ERC2: variants seen among roughly 807,000 people sequenced by gnomAD.
ERC2 encodes ELKS/RAB6-interacting/CAST family member 2.
Under a neutral mutation model 114.8 loss-of-function variants are expected in ERC2, and 42 were observed. The ratio of observed to expected loss-of-function variants is 0.37; its 90% CI spans 0.29 to 0.47. The LOEUF is 0.47. Among genes scored for constraint, ERC2 ranks in the 20% least tolerant of loss-of-function variants. ERC2 has a pLI of 0.99. For missense variants in ERC2, 939 were observed against 1,150.7 expected, an observed-to-expected ratio of 0.82 and a Z score of 2.66; for synonymous variants, 454 against 425.5, an observed-to-expected ratio of 1.07 and a Z score of -0.82.
In ERC2 at chr3:55,787,122, A is replaced by C. The variant is rs1407151900; in HGVS notation, c.2565-52204T>G. The stretch of plus-strand genomic sequence containing the variant: ...ACTCATCTGTAAGAAAAGAATAAAA[A>C]TAGTATGTGTCGGCTGGGGGGCGAT... On this transcript the variant is annotated intron_variant, in intron 14 of 17. Coordinates refer to ENST00000288221, the MANE Select transcript of ERC2 (RefSeq NM_015576.3). Among the ~76,000 whole-genome samples, 5 of 152,168 alleles carry C rather than the reference A, an allele frequency of 3.3e-5. No homozygotes were observed. In the East Asian group the frequency reaches 9.6e-4, roughly 29 times the overall value.
chr3:55,800,214 C>T (rs1253579324), intron 14 of ERC2, among the ~76,000 whole-genome samples: 1 of 152,058 alleles, frequency 6.6e-6, no homozygotes, highest in African/African-American at 2.4e-5. Flanking sequence ...GATGTCGGCT[C>T]ACTGCAACCT....
chr3:56,299,104 T>G (rs2055662128), intron 2 of ERC2, among the ~76,000 whole-genome samples: 1 of 147,590 alleles, frequency 6.8e-6, no homozygotes, highest in Admixed American at 6.8e-5. Context: ...TAGTTTTTTT[T>G]TGTTTTTTTT....
Position 56,417,034 on chromosome 3 carries a change from G to A in ERC2, c.657+17317C>T, listed in dbSNP as rs1266318552. ...TTGAAGTGTCATTATAAGAGTCTTA[G>A]CTGGCCAGATATTATGCAGCAGATG... On this transcript the variant is annotated intron_variant, in intron 2 of 17. Coordinates refer to ENST00000288221, the MANE Select transcript of ERC2 (RefSeq NM_015576.3). Among the ~76,000 whole-genome samples, 4 of 152,206 alleles carry A rather than the reference G, an allele frequency of 2.6e-5. No individual in the cohort carries two copies. In the East Asian group the frequency reaches 5.8e-4, roughly 22 times the overall value.
Position 56,324,644 on chromosome 3 carries a change from G to A in ERC2, c.658-28209C>T, listed in dbSNP as rs188326972. 1.2e-3 allele frequency among the ~76,000 whole-genome samples: 178 copies of A among 152,240 alleles called. 1 individual carries two copies. Among genetic ancestry groups the A allele is most frequent in the Admixed American group, 3.1e-3 (47 of 15,296 alleles). ...GCTTCAAAACGGGCATCTGTCTGCT[G>A]CCTTTGGTCACAATGGAAACTGACA... On this transcript the variant is annotated intron_variant, in intron 2 of 17. Coordinates refer to ENST00000288221, the MANE Select transcript of ERC2 (RefSeq NM_015576.3).
chr3:55,780,121 G>A (rs1424026358), intron 14 of ERC2, among the ~76,000 whole-genome samples: 1 of 152,050 alleles, frequency 6.6e-6, no homozygotes, highest in African/African-American at 2.4e-5. Context: ...AAATCCAGAG[G>A]CAAGACAAGG....
intron 6 of ERC2, among the ~76,000 whole-genome samples, chr3:56,092,655 C>T: frequency 6.6e-6 from 1 of 152,146 alleles, no homozygotes; most frequent in East Asian, 1.9e-4. Context: ...GTAAGCCATT[C>T]CAAAGTCAAT....
chr3:56,419,652 C>T (rs2061311016), intron 2 of ERC2, among the ~76,000 whole-genome samples: 1 of 152,194 alleles, frequency 6.6e-6, no homozygotes, highest in African/African-American at 2.4e-5. Flanking sequence ...AAAGCTCATT[C>T]ATTTCACTAA....
intron 4 of ERC2, among the ~76,000 whole-genome samples, chr3:56,163,035 G>C (rs984471197): frequency 1.3e-5 from 2 of 151,956 alleles, no homozygotes; most frequent in South Asian, 4.2e-4. Context: ...CACTGCTTTT[G>C]CTCTGTCCCA....
At chr3:56,302,668 A>T (rs956785943) in intron 2 of ERC2, among the ~76,000 whole-genome samples, 1 of 152,160 alleles carries the variant, frequency 6.6e-6, no homozygotes, top group Non-Finnish European at 1.5e-5. Context: ...TTCTTTTAAG[A>T]CAGTCACCCA....
chr3:55,968,438 G>T (rs2068911410), intron 12 of ERC2, among the ~76,000 whole-genome samples: 1 of 152,162 alleles, frequency 6.6e-6, no homozygotes, highest in African/African-American at 2.4e-5. Flanking sequence ...TTAATCAAGA[G>T]AAACTTTTAC....
intron 13 of ERC2, among the ~76,000 whole-genome samples, chr3:55,889,790 G>C (rs190379109): frequency 6.6e-6 from 1 of 152,232 alleles, no homozygotes; most frequent in East Asian, 1.9e-4. Flanking sequence ...CATCACTAAA[G>C]TCAACAGAAC....
intron 3 of ERC2, among the ~76,000 whole-genome samples, chr3:56,239,370 G>T (rs1266443802): frequency 1.3e-5 from 2 of 152,134 alleles, no homozygotes; most frequent in Admixed American, 1.3e-4. Context: ...GCCAGGCATG[G>T]TGGCATGCGC....
intron 2 of ERC2, among the ~76,000 whole-genome samples, chr3:56,301,324 C>A (rs555906342): frequency 6.6e-6 from 1 of 152,094 alleles, no homozygotes; most frequent in South Asian, 2.1e-4. Context: ...TTTTCATTTT[C>A]TTTTAGTTTT....
intron 2 of ERC2, among the ~76,000 whole-genome samples, chr3:56,313,037 T>TATATATATATATATA (rs2056680454): frequency 2.3e-5 from 3 of 130,244 alleles, no homozygotes; most frequent in South Asian, 2.5e-4. Flanking sequence ...TATATATATA[T>TATATATATATATATA]GGGGTGGGAG....
At chr3:56,321,386 G>T (rs1445367949) in intron 2 of ERC2, among the ~76,000 whole-genome samples, 1 of 152,164 alleles carries the variant, frequency 6.6e-6, no homozygotes, top group Non-Finnish European at 1.5e-5. Flanking sequence ...GAAAAGGCAA[G>T]GTAAATAAGT....
At chr3:55,773,980 G>C (rs1030135515) in intron 14 of ERC2, among the ~76,000 whole-genome samples, 1 of 152,152 alleles carries the variant, frequency 6.6e-6, no homozygotes, top group Non-Finnish European at 1.5e-5. Context: ...ACCCCTGTCT[G>C]ATGCCCAAAG....
At chr3:55,769,410 T>G (rs967868626) in intron 14 of ERC2, among the ~76,000 whole-genome samples, 2 of 151,912 alleles carry the variant, frequency 1.3e-5, no homozygotes, top group African/African-American at 4.8e-5. Flanking sequence ...TTGCTGAACC[T>G]ATTTCTGAGC....
intron 3 of ERC2, among the ~76,000 whole-genome samples, chr3:56,277,126 C>A (rs530481197): frequency 2.0e-4 from 31 of 152,336 alleles, no homozygotes; most frequent in African/African-American, 7.0e-4. Flanking sequence ...CATAAAACAA[C>A]TGAATGCAAG....
chr3:55,814,477 T>C (rs1469842704), intron 14 of ERC2, among the ~76,000 whole-genome samples: 2 of 152,216 alleles, frequency 1.3e-5, no homozygotes, highest in African/African-American at 4.8e-5. Flanking sequence ...ACTTTATTTT[T>C]ACATTTTGAA....
Sources: gnomAD v4.1 joint callset for allele counts (sites outside exome capture counted in the v4.1 genomes callset) on GRCh38, gnomAD v4.1.1 for gene constraint, MANE v1.5 for transcripts, NCBI Gene and HGNC (gene_info 2026-07-23, HGNC 2026-07-21) for gene names.